Variants in FAM107B observed in about 807,000 individuals in gnomAD.
FAM107B encodes the protein family with sequence similarity 107 member B.
In FAM107B, 21 loss-of-function variants were observed where a neutral mutation model predicts 31.5. The observed-to-expected ratio is 0.67, with a 90% CI of 0.47 to 0.96. FAM107B has a LOEUF of 0.96. Among genes scored for constraint, FAM107B ranks in the 40% least tolerant of loss-of-function variants. The pLI, the probability that FAM107B is intolerant of heterozygous loss-of-function variation, is 0.00. For missense variants in FAM107B, 452 were observed against 377.1 expected (o/e 1.20, Z -1.64); for synonymous variants, 157 against 141.5 (o/e 1.11, Z -0.78).
rs1554842126 is a variant in FAM107B at position 14,629,521 on chromosome 10, A to ATT, written c.469+38111_469+38112dup. ...ATATATATTTAATATATATATATAT[A>ATT]TTTTTTTTTGAGATGAAGACTCGCT... On this transcript the variant is annotated intron_variant, in intron 2 of 4. Coordinates refer to ENST00000181796, the MANE Select transcript of FAM107B (RefSeq NM_031453.4). 2.2e-4 allele frequency among the ~76,000 whole-genome samples: 22 copies of ATT among 97,816 alleles called. 1 individual carries two copies. The highest frequency in any genetic ancestry group is 4.8e-4 in the African/African-American group (11 of 22,846). The allele number at this position is 97,816 out of a possible 152,430, so 64.2% of individuals were successfully genotyped here.
chr10:14,620,763 T>C (rs987195805), intron 2 of FAM107B, among the ~76,000 whole-genome samples: 2 of 152,178 alleles, frequency 1.3e-5, no homozygotes, highest in African/African-American at 4.8e-5. Context: ...CTCCCACTTA[T>C]GAGTGAGAAC....
At chr10:14,714,508 G>A (rs1855737641) in intron 1 of FAM107B, among the ~76,000 whole-genome samples, 1 of 152,250 alleles carries the variant, frequency 6.6e-6, no homozygotes, top group Non-Finnish European at 1.5e-5. Flanking sequence ...AAGGCCCTAA[G>A]ATGCTGCCAC....
At chr10:14,526,930 C>T (rs1230387434) in intron 3 of FAM107B, among the ~76,000 whole-genome samples, 15 of 151,884 alleles carry the variant, frequency 9.9e-5, no homozygotes, top group Admixed American at 6.6e-4. Context: ...CTCCGCCTCC[C>T]GGGTTCACGC....
chr10:14,734,994 G>A (rs534260485), intron 1 of FAM107B, among the ~76,000 whole-genome samples: 3 of 152,224 alleles, frequency 2.0e-5, no homozygotes, highest in South Asian at 2.1e-4. Flanking sequence ...AGTGAGTCTC[G>A]AGCCAGCCTG....
intron 2 of FAM107B, among the ~76,000 whole-genome samples, chr10:14,579,005 A>AG (rs1456869345): frequency 6.6e-6 from 1 of 152,184 alleles, no homozygotes; most frequent in East Asian, 1.9e-4. Context: ...TATAACGAAG[A>AG]GAAAAAAAAG....
intron 2 of FAM107B, among the ~76,000 whole-genome samples, chr10:14,551,565 T>G (rs1849264082): frequency 6.6e-6 from 1 of 151,438 alleles, no homozygotes; most frequent in African/African-American, 2.4e-5. Flanking sequence ...ATGGGACATG[T>G]TAATTAGGAA....
chr10:14,588,783 T>A (rs1021250028), intron 2 of FAM107B, among the ~76,000 whole-genome samples: 1 of 151,874 alleles, frequency 6.6e-6, no homozygotes, highest in African/African-American at 2.4e-5. Flanking sequence ...CTCCCCAGGA[T>A]GTTACTGTTA....
intron 3 of FAM107B, among the ~76,000 whole-genome samples, chr10:14,528,542 C>G (rs1846584412): frequency 6.6e-6 from 1 of 152,052 alleles, no homozygotes; most frequent in Admixed American, 6.6e-5. Context: ...AGAAACAGAT[C>G]TCAAGAGGGG....
chr10:14,735,663 T>C (rs952362320), intron 1 of FAM107B, among the ~76,000 whole-genome samples: 11 of 152,338 alleles, frequency 7.2e-5, no homozygotes, highest in Admixed American at 3.9e-4. Context: ...TCAGGAAGAA[T>C]GGGAAAACTC....
intron 2 of FAM107B, chr10:14,661,491 T>C (rs776268076): frequency 6.6e-6 from 1 of 152,272 alleles, no homozygotes; most frequent in Non-Finnish European, 1.5e-5. Flanking sequence ...GTGTGACTGA[T>C]TGAGCTGGGA....
rs189550874 is a variant in FAM107B at position 14,643,331 on chromosome 10, C to T, written c.469+24303G>A. Among the ~76,000 whole-genome samples the T allele has an allele frequency of 2.4e-4, 36 of 151,678 alleles. No homozygotes were observed. The East Asian group carries it at 4.5e-3, about 19-fold the overall frequency. ...GACAAGCATCCCAGCTCAAGCAGTC[C>T]GGCAGGAGGGATCCCCTCTTACTTA... is the stretch of plus-strand genomic sequence containing the variant. On this transcript the variant is annotated intron_variant, in intron 2 of 4. Coordinates refer to ENST00000181796, the MANE Select transcript of FAM107B (RefSeq NM_031453.4).
At chr10:14,746,282 T>G (rs1392709331) in intron 1 of FAM107B, among the ~76,000 whole-genome samples, 1 of 152,220 alleles carries the variant, frequency 6.6e-6, no homozygotes, top group Non-Finnish European at 1.5e-5. Context: ...ATTGGGGCAT[T>G]TAGTCCATTT....
In FAM107B at chr10:14,518,874, A is replaced by C. The variant is rs2130721820; in HGVS notation, c.*2316T>G. On this transcript the variant is annotated 3_prime_UTR_variant, in exon 5 of 5. Coordinates refer to ENST00000181796, the MANE Select transcript of FAM107B (RefSeq NM_031453.4). ...AAAAATGGAGCCATTTTTGTCAAAA[A>C]GTGGCTCAAAGCACAAAACTGCTCA... is the stretch of plus-strand genomic sequence containing the variant. 1 of 152,740 alleles carries C rather than the reference A, an allele frequency of 6.5e-6. No homozygotes were observed. Among genetic ancestry groups the C allele is most frequent in the African/African-American group, 2.4e-5 (1 of 41,568 alleles). 9.5% of individuals were successfully genotyped at this position (152,740 alleles called of 1,614,324 possible). A position where few individuals can be genotyped will look rare whatever the true frequency, so the allele number is the denominator to read the frequency against.
chr10:14,706,584 C>G (rs542626933), intron 1 of FAM107B, among the ~76,000 whole-genome samples: 1 of 152,184 alleles, frequency 6.6e-6, no homozygotes, highest in Non-Finnish European at 1.5e-5. Context: ...TGCATATGCA[C>G]TTGACCTCAT....
At chr10:14,762,794 A>AC (rs1242316319) in intron 1 of FAM107B, among the ~76,000 whole-genome samples, 1 of 150,140 alleles carries the variant, frequency 6.7e-6, no homozygotes, top group Non-Finnish European at 1.5e-5. Context: ...ACACACACAC[A>AC]CACACACAAA....
At chr10:14,606,025 G>T (rs960812447) in intron 2 of FAM107B, among the ~76,000 whole-genome samples, 1 of 152,116 alleles carries the variant, frequency 6.6e-6, no homozygotes, top group African/African-American at 2.4e-5. Context: ...GGGTGCAAGT[G>T]AACTTTCCAG....
At position 14,595,068 on chromosome 10, in the gene FAM107B, CAAGAG is replaced by C. The variant is rs556819548; in HGVS notation, c.470-64558_470-64554del. On this transcript the variant is annotated intron_variant, in intron 2 of 4. Coordinates refer to ENST00000181796, the MANE Select transcript of FAM107B (RefSeq NM_031453.4). ...CTGTACAAAGGCAAAACGCTACAGA[CAAGAG>C]AAAAGATCACTGATTAACTAAGACT... 4.6e-3 allele frequency among the ~76,000 whole-genome samples: 697 copies of C among 151,106 alleles called. 2 individuals carry two copies. The highest frequency in any genetic ancestry group is 6.9e-3 in the Middle Eastern group (2 of 290).
At chr10:14,575,423 G>A (rs998409858) in intron 2 of FAM107B, among the ~76,000 whole-genome samples, 7 of 152,056 alleles carry the variant, frequency 4.6e-5, no homozygotes, top group Admixed American at 3.3e-4. Flanking sequence ...GGCTGGTCTC[G>A]AATTCCTGAC....
chr10:14,615,331 A>G (rs184942764), intron 2 of FAM107B, among the ~76,000 whole-genome samples: 2 of 152,318 alleles, frequency 1.3e-5, no homozygotes, highest in Non-Finnish European at 2.9e-5. Context: ...ACCATCTCAA[A>G]AAAACAAAAA....
Sources: gnomAD v4.1 joint callset for allele counts (sites outside exome capture counted in the v4.1 genomes callset) on GRCh38, gnomAD v4.1.1 for gene constraint, MANE v1.5 for transcripts, NCBI Gene and HGNC (gene_info 2026-07-23, HGNC 2026-07-21) for gene names.